The following USP10 variants were observed in gnomAD, a reference collection of about 807,000 sequenced individuals.
USP10 encodes ubiquitin carboxyl-terminal hydrolase 10.
USP10 carries 22 observed loss-of-function variants against 84.5 expected under a neutral mutation model. The observed-to-expected ratio is 0.26, with a 90% CI of 0.19 to 0.37. The LOEUF is 0.37. Ranked by LOEUF, USP10 falls within the 10% of genes least tolerant of loss-of-function variation. USP10 has a pLI of 1.00. For missense variants in USP10, 1,019 were observed against 998.9 expected (o/e 1.02, Z -0.27); for synonymous variants, 454 against 387.6 (o/e 1.17, Z -2.01).
chr16:84,765,932 A>G (rs965164193), intron 10 of USP10, among the ~76,000 whole-genome samples: 2 of 152,204 alleles, frequency 1.3e-5, no homozygotes, highest in Non-Finnish European at 2.9e-5. Flanking sequence ...CAAAACTTGT[A>G]CCATCTCCAA....
intron 1 of USP10, chr16:84,732,445 T>TTC: frequency 1.9e-5 from 4 of 206,830 alleles, no homozygotes; most frequent in South Asian, 5.8e-5. Flanking sequence ...CTTCTTCTTC[T>TTC]TTTTTTTTTT....
chr16:84,740,479 T>C (rs950213974), intron 3 of USP10, 110 bp downstream of exon 3: 12 of 900,392 alleles, frequency 1.3e-5, no homozygotes, highest in Non-Finnish European at 2.1e-5. Flanking sequence ...TCTTTGTAGC[T>C]TGAAGTTTTT....
intron 1 of USP10, among the ~76,000 whole-genome samples, chr16:84,731,795 CTG>C (rs1356858516): frequency 1.3e-5 from 2 of 150,860 alleles, no homozygotes; most frequent in East Asian, 1.9e-4. Context: ...TTGTGATAGT[CTG>C]TGCTAATTTT....
chr16:84,711,753 A>C (rs1336464245), intron 1 of USP10, among the ~76,000 whole-genome samples: 1 of 106,186 alleles, frequency 9.4e-6, no homozygotes, highest in South Asian at 3.2e-4. Flanking sequence ...TCTGAGATGG[A>C]GTCTTGTTCT....
chr16:84,776,300 A>G (rs1307808744), intron 13 of USP10, among the ~76,000 whole-genome samples: 6 of 135,028 alleles, frequency 4.4e-5, no homozygotes, highest in South Asian at 2.4e-4. Flanking sequence ...CCCAGGGGTG[A>G]GGGCCTAGCG....
intron 1 of USP10, among the ~76,000 whole-genome samples, chr16:84,713,933 C>G (rs1444615085): frequency 1.3e-5 from 2 of 152,192 alleles, no homozygotes; most frequent in African/African-American, 2.4e-5. Context: ...GGAGAGTTGT[C>G]GGGGCTGCAG....
rs1321687160 is a variant in USP10 at position 84,745,523 on chromosome 16, G to T, written c.1042G>T (p.Asp348Tyr). 6.2e-7 allele frequency: 1 copy of T among 1,613,262 alleles called. No homozygotes were observed. Among genetic ancestry groups the T allele is most frequent in the African/African-American group, 1.3e-5 (1 of 74,874 alleles). Residue 348 changes from aspartate (D) to tyrosine (Y), a missense_variant, in exon 4 of 14, where the codon GAT (aspartate) becomes TAT (tyrosine). By Grantham distance (160) the Asp-to-Tyr change is radical. This residue lies in a region of USP10 where 787 missense variants were observed against 708.8 expected (regional missense o/e 1.11). Transcript: ENST00000219473. The part of the protein sequence containing the change: ...QPKSWASLFH[D>Y]SKPSSSSPVA... ...CAAGTCCTGGGCCAGCCTCTTTCAT[G>T]ATTCTAAGCCCTCTTCCTCCTCGCC... is the stretch of plus-strand genomic sequence containing the variant.
intron 1 of USP10, among the ~76,000 whole-genome samples, chr16:84,706,181 C>T (rs1472360608): frequency 2.6e-5 from 4 of 152,126 alleles, no homozygotes; most frequent in East Asian, 1.9e-4. Flanking sequence ...CCGCGCCTAG[C>T]CTCCCTATTC....
At chr16:84,764,382 C>A in intron 10 of USP10, 119 bp downstream of exon 10, 1 of 1,330,070 alleles carries the variant, frequency 7.5e-7, no homozygotes, top group Non-Finnish European at 1.1e-6. Context: ...TTGCATCTTG[C>A]TCCCCTGCCT....
At chr16:84,721,692 C>G (rs532877407) in intron 1 of USP10, among the ~76,000 whole-genome samples, 5 of 151,848 alleles carry the variant, frequency 3.3e-5, no homozygotes, top group Admixed American at 2.0e-4. Context: ...CCAAGTCTGG[C>G]TTTGTTTTGT....
At chr16:84,705,758 T>G (rs1905410173) in intron 1 of USP10, among the ~76,000 whole-genome samples, 1 of 146,294 alleles carries the variant, frequency 6.8e-6, no homozygotes, top group Non-Finnish European at 1.5e-5. Context: ...CTTGCTCTGT[T>G]GCCCAGGCTG....
At chr16:84,711,388 G>A (rs1411613790) in intron 1 of USP10, among the ~76,000 whole-genome samples, 1 of 152,184 alleles carries the variant, frequency 6.6e-6, no homozygotes, top group Non-Finnish European at 1.5e-5. Flanking sequence ...CAGTGTAACT[G>A]TGAGCATCTG....
chr16:84,752,739 G>A lies in USP10; in HGVS notation c.1193-5977G>A, dbSNP rs571195350. On this transcript the variant is annotated intron_variant, in intron 4 of 13. Transcript: ENST00000219473. ...TGCACCCCTGTTTTTTTCACTGCGA[G>A]GAAGAAGAGGAGCTCACGAACTTCA... is the stretch of plus-strand genomic sequence containing the variant. Among the ~76,000 whole-genome samples, 12 of 152,226 alleles carry A rather than the reference G, an allele frequency of 7.9e-5. No individual in the cohort carries two copies. The South Asian group carries it at 2.3e-3, about 29-fold the overall frequency.
intron 13 of USP10, among the ~76,000 whole-genome samples, chr16:84,776,937 C>G (rs1433263731): frequency 6.6e-6 from 1 of 152,208 alleles, no homozygotes; most frequent in Non-Finnish European, 1.5e-5. Context: ...CTCAGCCCCC[C>G]GAGTAGCTGG....
chr16:84,768,371 T>G lies in USP10; in HGVS notation c.1998+13T>G. 6.4e-7 allele frequency: 1 copy of G among 1,567,330 alleles called. No individual in the cohort carries two copies. The highest frequency in any genetic ancestry group is 8.7e-7 in the Non-Finnish European group (1 of 1,152,072). ...AACCAAACAAGAGGTATGTTCACACTTGATTTTGAACCTTTCTACTAAGGT... is the reference window on the plus strand; with the variant it reads ...AACCAAACAAGAGGTATGTTCACACGTGATTTTGAACCTTTCTACTAAGGT... On this transcript the variant is annotated intron_variant, in intron 11 of 13. Coordinates refer to ENST00000219473, the MANE Select transcript of USP10 (RefSeq NM_005153.3).
At chr16:84,723,069 G>C (rs1164921654) in intron 1 of USP10, among the ~76,000 whole-genome samples, 1 of 151,780 alleles carries the variant, frequency 6.6e-6, no homozygotes, top group Non-Finnish European at 1.5e-5. Flanking sequence ...TTATTTGAGG[G>C]TCAAAGATGG....
rs75820212 is a variant in USP10 at position 84,734,837 on chromosome 16, C to T, written c.90+1334C>T. Among the ~76,000 whole-genome samples the T allele has an allele frequency of 9.5e-3, 1,444 of 152,242 alleles. 17 individuals are homozygous for T. Among genetic ancestry groups the T allele is most frequent in the African/African-American group, 0.032 (1,330 of 41,532 alleles). The stretch of plus-strand genomic sequence containing the variant: ...TGAATTTTGTATATGTGTGAGGTGG[C>T]ATCGAACTCCCTGCCCCTGTGGCCC... On this transcript the variant is annotated intron_variant, in intron 2 of 13. Transcript: ENST00000219473.
chr16:84,775,357 C>T (rs539364359), intron 13 of USP10, 132 bp downstream of exon 13: 43 of 820,426 alleles, frequency 5.2e-5, no homozygotes, highest in South Asian at 3.4e-4. Context: ...CCTTGTGAGT[C>T]GGGGAGTCAC....
chr16:84,763,912 T>TG (rs1913511476), intron 9 of USP10, among the ~76,000 whole-genome samples, 174 bp from the exon 10 acceptor site: 1 of 152,128 alleles, frequency 6.6e-6, no homozygotes, highest in African/African-American at 2.4e-5. Flanking sequence ...TTGTGCCTGT[T>TG]GCGATTGGCC....
Sources: allele counts gnomAD v4.1 joint callset (sites outside exome capture counted in the v4.1 genomes callset), GRCh38; gene constraint gnomAD v4.1.1; regional missense constraint gnomAD v4.1.1; transcripts MANE v1.5; gene names NCBI Gene and HGNC (gene_info 2026-07-23, HGNC 2026-07-21).